The following PCDH15 variants were observed in gnomAD, a reference collection of about 807,000 sequenced individuals.
The protein encoded by PCDH15 is protocadherin related 15, also known as protocadherin-15.
PCDH15 carries 129 observed loss-of-function variants against 178.5 expected under a neutral mutation model. The observed-to-expected ratio is 0.72, with a 90% CI of 0.63 to 0.84. PCDH15 has a LOEUF of 0.84. Ranked by LOEUF, PCDH15 falls within the 40% of genes least tolerant of loss-of-function variation. The pLI, the probability that PCDH15 is intolerant of heterozygous loss-of-function variation, is 0.00. For missense variants in PCDH15, 2,230 were observed against 2,099.9 expected (o/e 1.06, Z -1.21); for synonymous variants, 800 against 732.0 (o/e 1.09, Z -1.50).
At chr10:55,577,837 A>T (rs904040355) in intron 2 of PCDH15, among the ~76,000 whole-genome samples, 1 of 152,212 alleles carries the variant, frequency 6.6e-6, no homozygotes, top group African/African-American at 2.4e-5. Flanking sequence ...AATAAGAATC[A>T]TAATGAATCT....
intron 1 of PCDH15, among the ~76,000 whole-genome samples, chr10:55,244,130 C>T (rs998067144): frequency 6.6e-6 from 1 of 151,818 alleles, no homozygotes; most frequent in Non-Finnish European, 1.5e-5. Flanking sequence ...TGATCTGGAC[C>T]AAAATGGAAT....
intron 3 of PCDH15, among the ~76,000 whole-genome samples, chr10:54,854,168 A>G (rs939571295): frequency 2.0e-5 from 3 of 152,268 alleles, no homozygotes; most frequent in African/African-American, 4.8e-5. Flanking sequence ...CTGTGGCCAA[A>G]CCAGGCACAC....
At chr10:54,209,912 GGTTGTAGTA>G (rs1413337925) in intron 10 of PCDH15, among the ~76,000 whole-genome samples, 1 of 152,028 alleles carries the variant, frequency 6.6e-6, no homozygotes, top group Non-Finnish European at 1.5e-5. Flanking sequence ...TAGGGACAGG[GGTTGTAGTA>G]GCTGTCCTCC....
intron 3 of PCDH15, among the ~76,000 whole-genome samples, chr10:54,492,482 C>T (rs780784087): frequency 2.6e-5 from 4 of 152,196 alleles, no homozygotes; most frequent in Non-Finnish European, 4.4e-5. Context: ...CTTCTTGTAA[C>T]TGTACAGTAG....
intron 3 of PCDH15, among the ~76,000 whole-genome samples, chr10:54,448,951 TAA>T (rs1409919007): frequency 6.6e-6 from 1 of 151,754 alleles, no homozygotes; most frequent in African/African-American, 2.4e-5. Flanking sequence ...CAAATTGTGA[TAA>T]AAAGTTTCAC....
chr10:54,614,992 T>C (rs2093084530), intron 2 of PCDH15, among the ~76,000 whole-genome samples: 1 of 152,016 alleles, frequency 6.6e-6, no homozygotes, highest in South Asian at 2.1e-4. Context: ...CTATTTCTGA[T>C]TTGGGCTTGG....
At chr10:55,427,925 G>A (rs1312776105) in intron 2 of PCDH15, among the ~76,000 whole-genome samples, 1 of 152,026 alleles carries the variant, frequency 6.6e-6, no homozygotes, top group Non-Finnish European at 1.5e-5. Context: ...ATAAGGTTAT[G>A]ATCTATTTAA....
At chr10:54,168,621 G>T (rs1456883094) in intron 13 of PCDH15, among the ~76,000 whole-genome samples, 5 of 152,260 alleles carry the variant, frequency 3.3e-5, no homozygotes, top group East Asian at 1.9e-4. Flanking sequence ...CATAGTCAAG[G>T]TTAATGCTCC....
chr10:54,811,651 A>G (rs1952865328), intron 3 of PCDH15, among the ~76,000 whole-genome samples: 1 of 152,004 alleles, frequency 6.6e-6, no homozygotes, highest in African/African-American at 2.4e-5. Flanking sequence ...TTTGTATTTT[A>G]GTAGAGACGG....
At chr10:54,956,663 G>C (rs1407944858) in intron 2 of PCDH15, among the ~76,000 whole-genome samples, 1 of 151,508 alleles carries the variant, frequency 6.6e-6, no homozygotes, top group East Asian at 1.9e-4. Flanking sequence ...GGTAAAAGTT[G>C]TTAAAATTAT....
At chr10:55,104,090 A>C (rs1842626691) in intron 2 of PCDH15, among the ~76,000 whole-genome samples, 1 of 149,610 alleles carries the variant, frequency 6.7e-6, no homozygotes, top group African/African-American at 2.5e-5. Flanking sequence ...CACACAAAAT[A>C]AACAAAACAA....
intron 2 of PCDH15, among the ~76,000 whole-genome samples, chr10:55,438,875 T>C (rs1839110262): frequency 7.3e-5 from 11 of 150,848 alleles, no homozygotes; most frequent in Admixed American, 6.6e-4. Flanking sequence ...ATAATAATAC[T>C]AATTATTATT....
chr10:54,199,570 C>CAATAATAATAATAATAATAAT (rs68082093), intron 10 of PCDH15, among the ~76,000 whole-genome samples: 50 of 142,526 alleles, frequency 3.5e-4, no homozygotes, highest in Non-Finnish European at 6.1e-4. Context: ...ACAACAACAA[C>CAATAATAATAATAATAATAAT]AATAATAATA....
At chr10:55,373,356 G>A (rs940267981) in intron 2 of PCDH15, among the ~76,000 whole-genome samples, 12 of 152,100 alleles carry the variant, frequency 7.9e-5, no homozygotes, top group African/African-American at 2.9e-4. Flanking sequence ...TTCCATGGGG[G>A]AAAGTATCAA....
chr10:53,882,582 C>G lies in PCDH15; in HGVS notation c.3502-15725G>C, dbSNP rs1004392521. Among the ~76,000 whole-genome samples the G allele has an allele frequency of 5.3e-5, 8 of 152,074 alleles. No homozygotes were observed. In the East Asian group the frequency reaches 1.4e-3, roughly 26 times the overall value. ...TTCATCATGTTGGCCAGTCTGGTCT[C>G]GAACTCCTGACCTCAAGTGATCTGC... On this transcript the variant is annotated intron_variant, in intron 26 of 37. Coordinates refer to ENST00000644397, the MANE Select transcript of PCDH15 (RefSeq NM_001384140.1).
chr10:54,281,777 G>T (rs1215393559), intron 8 of PCDH15, among the ~76,000 whole-genome samples: 1 of 151,910 alleles, frequency 6.6e-6, no homozygotes, highest in Non-Finnish European at 1.5e-5. Context: ...AATATGAAAT[G>T]AAGATGCTAT....
At chr10:54,255,144 T>C (rs2056798928) in intron 8 of PCDH15, among the ~76,000 whole-genome samples, 1 of 152,216 alleles carries the variant, frequency 6.6e-6, no homozygotes, top group African/African-American at 2.4e-5. Context: ...TGTCAGACTT[T>C]TTTTATGTAC....
chr10:55,183,062 T>C (rs1839695901), intron 1 of PCDH15, among the ~76,000 whole-genome samples: 1 of 151,908 alleles, frequency 6.6e-6, no homozygotes, highest in African/African-American at 2.4e-5. Flanking sequence ...CCCAAATCCA[T>C]TATGAGATAT....
intron 2 of PCDH15, among the ~76,000 whole-genome samples, chr10:55,128,190 C>A (rs2132074510): frequency 6.6e-6 from 1 of 152,048 alleles, no homozygotes; most frequent in African/African-American, 2.4e-5. Context: ...TCCTCTCAAC[C>A]CTCACTCCCA....
Sources: allele counts gnomAD v4.1 joint callset (sites outside exome capture counted in the v4.1 genomes callset), GRCh38; gene constraint gnomAD v4.1.1; transcripts MANE v1.5; gene names NCBI Gene and HGNC (gene_info 2026-07-23, HGNC 2026-07-21).